Variants in BCL2 observed in about 807,000 individuals in gnomAD.
BCL2 encodes the protein BCL2 apoptosis regulator.
A neutral mutation model predicts 14.2 loss-of-function variants in BCL2; 1 was observed. The ratio of observed to expected loss-of-function variants is 0.07; its 90% CI spans 0.02 to 0.33. BCL2 has a LOEUF of 0.33. Ranked by LOEUF, BCL2 falls within the 10% of genes least tolerant of loss-of-function variation. The pLI is 0.99. For synonymous variants in BCL2, 151 were observed against 137.2 expected (o/e 1.10, Z -0.70); for missense variants, 247 against 305.9 (o/e 0.81, Z 1.44).
chr18:63,260,159 T>C (rs1911612780), intron 2 of BCL2, among the ~76,000 whole-genome samples: 1 of 152,226 alleles, frequency 6.6e-6, no homozygotes, highest in African/African-American at 2.4e-5. Flanking sequence ...GTTTGAGTTA[T>C]GATATCCATC....
At chr18:63,201,623 T>G (rs1909695871) in intron 2 of BCL2, among the ~76,000 whole-genome samples, 1 of 152,162 alleles carries the variant, frequency 6.6e-6, no homozygotes, top group Non-Finnish European at 1.5e-5. Context: ...GTGGCACATA[T>G]ACACCATGGA....
In BCL2 at chr18:63,140,714, G is replaced by A. The variant is rs117729327; in HGVS notation, c.586-11955C>T. 1.8e-3 allele frequency among the ~76,000 whole-genome samples: 268 copies of A among 152,354 alleles called. 1 individual carries two copies. Among genetic ancestry groups the A allele is most frequent in the Admixed American group, 3.3e-3 (50 of 15,312 alleles). The stretch of plus-strand genomic sequence containing the variant: ...TTTTTGGAGTGATGGAAAAGTTCTG[G>A]AATTAGCTAAGGGTGATGGCTGTAT... On this transcript the variant is annotated intron_variant, in intron 2 of 2. Coordinates refer to ENST00000333681, the MANE Select transcript of BCL2 (RefSeq NM_000633.3).
Position 63,167,527 on chromosome 18 carries a change from C to T in BCL2, c.586-38768G>A, listed in dbSNP as rs556725584. ...AGGTGTGATGGCTCATGACTATCATCCTAGTGCTTTGGGAGGCCGAGGCAG... is the reference window on the plus strand; with the variant it reads ...AGGTGTGATGGCTCATGACTATCATTCTAGTGCTTTGGGAGGCCGAGGCAG... On this transcript the variant is annotated intron_variant, in intron 2 of 2. Coordinates refer to ENST00000333681, the MANE Select transcript of BCL2 (RefSeq NM_000633.3). Among the ~76,000 whole-genome samples the T allele has an allele frequency of 5.9e-5, 9 of 152,242 alleles. No homozygotes were observed. The East Asian group carries it at 1.7e-3, about 29-fold the overall frequency.
chr18:63,172,675 G>T (rs1049712025), intron 2 of BCL2, among the ~76,000 whole-genome samples: 1 of 152,202 alleles, frequency 6.6e-6, no homozygotes, highest in Non-Finnish European at 1.5e-5. Context: ...CAGCTACTCG[G>T]GAGGCTGAGG....
chr18:63,192,784 C>T (rs554312424), intron 2 of BCL2, among the ~76,000 whole-genome samples: 2 of 152,332 alleles, frequency 1.3e-5, no homozygotes, highest in East Asian at 3.9e-4. Context: ...CTCACTCCTC[C>T]CCAGAAATGC....
chr18:63,301,903 T>C (rs1025699279), intron 2 of BCL2, among the ~76,000 whole-genome samples: 1 of 152,204 alleles, frequency 6.6e-6, no homozygotes, highest in Non-Finnish European at 1.5e-5. Context: ...TCTGAATTCA[T>C]TAGGATCTTA....
rs191905820 is a variant in BCL2, at chr18:63,287,307, T to C, written c.585+30775A>G. Reference sequence around the variant, plus strand: ...ACATTCTAACAAGGAAACTGAAGCTTGGAGAAACTAAGTGTTTCTCAAGGT... The same window carrying C: ...ACATTCTAACAAGGAAACTGAAGCTCGGAGAAACTAAGTGTTTCTCAAGGT... On this transcript the variant is annotated intron_variant, in intron 2 of 2. Coordinates refer to ENST00000333681, the MANE Select transcript of BCL2 (RefSeq NM_000633.3). 1.1e-3 allele frequency among the ~76,000 whole-genome samples: 175 copies of C among 152,356 alleles called. 2 individuals carry two copies. The highest frequency in any genetic ancestry group is 3.8e-3 in the African/African-American group (157 of 41,582).
rs768646925 is a variant in BCL2 at position 63,124,758 on chromosome 18, C to G, written c.*3867G>C. The stretch of plus-strand genomic sequence containing the variant: ...TTAAAAAGTGTGTAACCACATTTGT[C>G]TGGGCTGCAAAAGACACCACAGAAT... On this transcript the variant is annotated 3_prime_UTR_variant, in exon 3 of 3. Coordinates refer to ENST00000333681, the MANE Select transcript of BCL2 (RefSeq NM_000633.3). 4.3e-6 allele frequency: 1 copy of G among 229,886 alleles called. No homozygotes were observed. Among genetic ancestry groups the G allele is most frequent in the Non-Finnish European group, 8.6e-6 (1 of 115,650 alleles). 14.2% of individuals were successfully genotyped at this position (229,886 alleles called of 1,614,324 possible).
At chr18:63,273,147 A>G (rs539118941) in intron 2 of BCL2, among the ~76,000 whole-genome samples, 1 of 152,364 alleles carries the variant, frequency 6.6e-6, no homozygotes, top group East Asian at 1.9e-4. Context: ...TTATAGACAA[A>G]ATGTAGAAAG....
In BCL2 at chr18:63,124,988, A is replaced by G. The variant is rs200305018; in HGVS notation, c.*3637T>C. ...TTTATAAACTATTTGTTTTAGGATAAGTTCAATTACAAATAGAGACTATTT... is the reference window on the plus strand; with the variant it reads ...TTTATAAACTATTTGTTTTAGGATAGGTTCAATTACAAATAGAGACTATTT... On this transcript the variant is annotated 3_prime_UTR_variant, in exon 3 of 3. Transcript: ENST00000333681. 5.0e-5 allele frequency: 11 copies of G among 221,808 alleles called. No homozygotes were observed. In the East Asian group the frequency reaches 7.2e-4, roughly 15 times the overall value. 13.7% of individuals were successfully genotyped at this position (221,808 alleles called of 1,614,324 possible).
chr18:63,162,237 A>T (rs1191604433), intron 2 of BCL2, among the ~76,000 whole-genome samples: 1 of 152,158 alleles, frequency 6.6e-6, no homozygotes, highest in East Asian at 1.9e-4. Context: ...ACTCCACAAA[A>T]ATTGAAGACG....
At chr18:63,245,925 C>T (rs1911139674) in intron 2 of BCL2, among the ~76,000 whole-genome samples, 1 of 152,226 alleles carries the variant, frequency 6.6e-6, no homozygotes. Flanking sequence ...CTTTCTTCTA[C>T]TCACAGTATT....
chr18:63,125,445 G>A lies in BCL2; in HGVS notation c.*3180C>T, dbSNP rs137980414. The A allele has an allele frequency of 9.0e-6, 2 of 221,828 alleles. No homozygotes were observed. Among genetic ancestry groups the A allele is most frequent in the East Asian group, 1.3e-4 (2 of 15,336 alleles). The allele number at this position is 221,828 out of a possible 1,614,324, so 13.7% of individuals were successfully genotyped here. On this transcript the variant is annotated 3_prime_UTR_variant, in exon 3 of 3. Transcript: ENST00000333681. ...GCAGCGAGGGACTGGGAGGGCCGAG[G>A]AGGTTCTCAGATGTTCTTCTCCTTT...
chr18:63,302,784 T>G (rs1190782239), intron 2 of BCL2: 2 of 985,292 alleles, frequency 2.0e-6, no homozygotes, highest in African/African-American at 3.5e-5. Context: ...AAGTTTCTTT[T>G]AAGAAAGTAG....
intron 2 of BCL2, among the ~76,000 whole-genome samples, chr18:63,166,030 C>G (rs1046597125): frequency 2.0e-5 from 3 of 152,184 alleles, no homozygotes; most frequent in African/African-American, 7.2e-5. Flanking sequence ...TCATCCAATA[C>G]TGGTTATGGC....
intron 2 of BCL2, among the ~76,000 whole-genome samples, chr18:63,170,368 G>C (rs947174986): frequency 6.6e-6 from 1 of 152,124 alleles, no homozygotes; most frequent in Non-Finnish European, 1.5e-5. Context: ...GCTTGGAATG[G>C]TGCCTTGTGC....
intron 2 of BCL2, among the ~76,000 whole-genome samples, chr18:63,238,372 A>C (rs1245207691): frequency 6.6e-6 from 1 of 152,236 alleles, no homozygotes; most frequent in Non-Finnish European, 1.5e-5. Flanking sequence ...ACTCCAGCGA[A>C]AACAGAACTT....
At chr18:63,270,546 T>C (rs1165787463) in intron 2 of BCL2, among the ~76,000 whole-genome samples, 1 of 152,160 alleles carries the variant, frequency 6.6e-6, no homozygotes, top group Non-Finnish European at 1.5e-5. Context: ...TATCCATCTA[T>C]ACACATATGT....
intron 2 of BCL2, among the ~76,000 whole-genome samples, chr18:63,142,177 C>G (rs1335594362): frequency 6.6e-6 from 1 of 152,212 alleles, no homozygotes; most frequent in Non-Finnish European, 1.5e-5. Flanking sequence ...TACAAAGAAC[C>G]TGCATGTCCT....
Sources: gnomAD v4.1 joint callset for allele counts (sites outside exome capture counted in the v4.1 genomes callset) on GRCh38, gnomAD v4.1.1 for gene constraint, MANE v1.5 for transcripts, NCBI Gene and HGNC (gene_info 2026-07-23, HGNC 2026-07-21) for gene names.